The following CCDC122 variants were observed in gnomAD, a reference collection of about 807,000 sequenced individuals.
CCDC122 encodes coiled-coil domain-containing protein 122.
In CCDC122, 38 loss-of-function variants were observed where a neutral mutation model predicts 37.0. That is an observed-to-expected ratio of 1.03 (90% CI 0.79 to 1.35). CCDC122 has a LOEUF of 1.35. CCDC122 is among the 40% of genes most tolerant of loss of function. The pLI is 0.00. For missense variants in CCDC122, 305 were observed against 310.0 expected (o/e 0.98, Z 0.12); for synonymous variants, 83 against 95.6 (o/e 0.87, Z 0.77).
intron 5 of CCDC122, 40 bp from the exon 6 acceptor site, chr13:43,858,937 G>A: frequency 7.6e-7 from 1 of 1,319,784 alleles, no homozygotes; most frequent in Non-Finnish European, 1.0e-6. Context: ...AGTCAAAAAA[G>A]GATGATCAAT....
chr13:43,875,183 G>A (rs1053184903), intron 1 of CCDC122, among the ~76,000 whole-genome samples: 1 of 152,152 alleles, frequency 6.6e-6, no homozygotes, highest in Non-Finnish European at 1.5e-5. Flanking sequence ...TTCTACCTCT[G>A]GGACAGAAGT....
downstream of CCDC122, among the ~76,000 whole-genome samples, chr13:43,834,726 C>T (rs1377817263): frequency 1.3e-5 from 2 of 152,140 alleles, no homozygotes; most frequent in African/African-American, 4.8e-5. Flanking sequence ...TCATCACTGG[C>T]CATCAGAGAA....
At chr13:43,841,612 A>G (rs1053836047) in intron 6 of CCDC122, among the ~76,000 whole-genome samples, 9 of 152,140 alleles carry the variant, frequency 5.9e-5, no homozygotes, top group African/African-American at 2.2e-4. Flanking sequence ...TTATAGGCTG[A>G]TAGGATTTCT....
intron 6 of CCDC122, among the ~76,000 whole-genome samples, chr13:43,852,066 A>C (rs1367944452): frequency 6.6e-6 from 1 of 152,166 alleles, no homozygotes; most frequent in Non-Finnish European, 1.5e-5. Flanking sequence ...TGATAACCCC[A>C]AAACCCAAAG....
At chr13:43,864,606 C>CT in intron 4 of CCDC122, among the ~76,000 whole-genome samples, 1 of 152,196 alleles carries the variant, frequency 6.6e-6, no homozygotes, top group East Asian at 1.9e-4. Context: ...ATGAGAACTC[C>CT]TTTGCTCCCA....
chr13:43,878,751 A>G (rs1015368360), intron 1 of CCDC122, among the ~76,000 whole-genome samples: 1 of 152,168 alleles, frequency 6.6e-6, no homozygotes, highest in Admixed American at 6.5e-5. Flanking sequence ...CACCTTTATC[A>G]TGATTTTAGG....
At chr13:43,823,881 G>C (rs1953014859), downstream of CCDC122, 1 of 152,274 alleles carries the variant, frequency 6.6e-6, no homozygotes, top group South Asian at 2.1e-4. Context: ...ATATGGAGTT[G>C]AAACTAGGTA....
chr13:43,849,470 GAGA>G (rs765399301), intron 6 of CCDC122, among the ~76,000 whole-genome samples: 1 of 152,210 alleles, frequency 6.6e-6, no homozygotes, highest in Non-Finnish European at 1.5e-5. Flanking sequence ...GAAAGTTGGA[GAGA>G]AGAAGGCAAA....
intron 2 of CCDC122, among the ~76,000 whole-genome samples, chr13:43,873,996 C>A (rs9533667): frequency 0.16 from 24,092 of 152,152 alleles, 2,121 homozygotes; most frequent in East Asian, 0.31. Context: ...CTATTCTGAT[C>A]ACGTCAACAT....
intron 4 of CCDC122, among the ~76,000 whole-genome samples, chr13:43,862,936 T>C (rs9525857): frequency 0.51 from 77,128 of 151,938 alleles, 20,010 homozygotes; most frequent in African/African-American, 0.6. Context: ...TTCTTCTCCC[T>C]CTCTTCTTTA....
rs7332503 is a variant in CCDC122, at chr13:43,837,427, T to C, written c.675A>G (p.Val225=). Residue 225 remains valine, a splice_region_variant and synonymous_variant, in exon 7 of 7, where the codon GTA becomes GTG. Coordinates refer to ENST00000444614, the MANE Select transcript of CCDC122 (RefSeq NM_144974.5). ...THEKLRKEIE[V]QHKRYDAILK... ...GAATTGCATCATACCTCTTATGTTG[T>C]ACCTATCAAAAGAAGAGCACACATC... The C allele has an allele frequency of 0.024, 39,262 of 1,610,922 alleles. 1,065 individuals are homozygous for C. Among genetic ancestry groups the C allele is most frequent in the African/African-American group, 0.13 (9,397 of 74,838 alleles).
At chr13:43,878,993 G>T (rs1313101565) in intron 1 of CCDC122, among the ~76,000 whole-genome samples, 1 of 152,186 alleles carries the variant, frequency 6.6e-6, no homozygotes, top group Admixed American at 6.5e-5. Flanking sequence ...GGGAAAAGCT[G>T]CCAAGAGCTA....
At chr13:43,846,161 G>A (rs561652808) in intron 6 of CCDC122, among the ~76,000 whole-genome samples, 114 of 151,772 alleles carry the variant, frequency 7.5e-4, no homozygotes, top group Non-Finnish European at 1.3e-3. Flanking sequence ...TGCAACCTCC[G>A]CCTCCCAGGT....
rs1422886007 is a variant in CCDC122 at position 43,859,714 on chromosome 13, T to C, written c.513A>G (p.Gln171=). The C allele has an allele frequency of 1.9e-6, 3 of 1,581,440 alleles. No individual in the cohort carries two copies. The highest frequency in any genetic ancestry group is 2.6e-6 in the Non-Finnish European group (3 of 1,169,802). The change falls in exon 5 of 7, where the codon CAA becomes CAG. Residue 171 remains glutamine, a synonymous_variant. Coordinates refer to ENST00000444614, the MANE Select transcript of CCDC122 (RefSeq NM_144974.5). The part of the protein sequence containing the change: ...KLKTMKEELM[Q]DLQNPGGNRI... Reference sequence around the variant, plus strand: ...GGTTCCCTCCTGGATTTTGAAGATCTTGCATAAGTTCTTCTTTCATTGTCT... The same window carrying C: ...GGTTCCCTCCTGGATTTTGAAGATCCTGCATAAGTTCTTCTTTCATTGTCT...
chr13:43,868,773 G>C lies in CCDC122; in HGVS notation c.77C>G (p.Ala26Gly). The part of the protein sequence containing the change: ...DNQDTSSLAD[A>G]VEKVAKQQQS... The stretch of plus-strand genomic sequence containing the variant: ...TTGTTGCTTTGCAACTTTCTCTACA[G>C]CATCAGCTAATGAACTTGTGTCTTG... Residue 26 changes from alanine to glycine, a missense_variant, in exon 4 of 7, where the codon GCT becomes GGT. By Grantham distance (60) the Ala-to-Gly change is moderately conservative. Coordinates refer to ENST00000444614, the MANE Select transcript of CCDC122 (RefSeq NM_144974.5). 12 of 1,547,752 alleles carry C rather than the reference G, an allele frequency of 7.8e-6. No homozygotes were observed. Among genetic ancestry groups the C allele is most frequent in the Non-Finnish European group, 1.0e-5 (12 of 1,148,890 alleles).
At chr13:43,827,066 T>C (rs1034955451) in intron 3 of CCDC122, among the ~76,000 whole-genome samples, 8 of 152,220 alleles carry the variant, frequency 5.3e-5, no homozygotes, top group African/African-American at 1.9e-4. Flanking sequence ...GCGTTTTCTT[T>C]TAAAGATGGA....
chr13:43,832,978 G>GT (rs1373661006), downstream of CCDC122, among the ~76,000 whole-genome samples: 1 of 152,122 alleles, frequency 6.6e-6, no homozygotes, highest in African/African-American at 2.4e-5. Flanking sequence ...TATCTACAGT[G>GT]TTTTTGGAAA....
chr13:43,838,032 T>C (rs1486253035), intron 6 of CCDC122, among the ~76,000 whole-genome samples: 1 of 152,166 alleles, frequency 6.6e-6, no homozygotes, highest in African/African-American at 2.4e-5. Context: ...ATTGAGCCAT[T>C]GAGAGCAATC....
intron 6 of CCDC122, chr13:43,856,658 TC>T (rs78267675): frequency 1.6e-5 from 2 of 128,778 alleles, no homozygotes; most frequent in Non-Finnish European, 3.3e-5. Context: ...AGAAAAAATC[TC>T]TCAATAATTT....
Sources: gnomAD v4.1 joint callset for allele counts (sites outside exome capture counted in the v4.1 genomes callset) on GRCh38, gnomAD v4.1.1 for gene constraint, MANE v1.5 for transcripts, NCBI Gene and HGNC (gene_info 2026-07-23, HGNC 2026-07-21) for gene names.